SLC4A4: variants seen among roughly 807,000 people sequenced by gnomAD.
SLC4A4 encodes the protein solute carrier family 4 member 4, also known as electrogenic sodium bicarbonate cotransporter 1.
A neutral mutation model predicts 111.5 loss-of-function variants in SLC4A4; 27 were observed. The ratio of observed to expected loss-of-function variants is 0.24; its 90% CI spans 0.18 to 0.33. The LOEUF (loss-of-function observed/expected upper bound fraction) is 0.33, where lower values mean the gene tolerates loss of function less well. Among genes scored for constraint, SLC4A4 ranks in the 10% least tolerant of loss-of-function variants. SLC4A4 has a pLI of 1.00. For missense variants in SLC4A4, 909 were observed against 1,315.5 expected, an observed-to-expected ratio of 0.69 and a Z score of 4.78; for synonymous variants, 443 against 463.4, an observed-to-expected ratio of 0.96 and a Z score of 0.57.
At chr4:71,146,465 C>A (rs1026147631) in intron 2 of SLC4A4, among the ~76,000 whole-genome samples, 1 of 152,036 alleles carries the variant, frequency 6.6e-6, no homozygotes, top group Non-Finnish European at 1.5e-5. Flanking sequence ...CCATTAGGTC[C>A]GCTTGGTGCA....
intron 16 of SLC4A4, among the ~76,000 whole-genome samples, chr4:71,521,798 C>T (rs1322086588): frequency 6.6e-6 from 1 of 152,114 alleles, no homozygotes; most frequent in Non-Finnish European, 1.5e-5. Flanking sequence ...AGAAAGATGT[C>T]CATTGCATGT....
intron 2 of SLC4A4, among the ~76,000 whole-genome samples, chr4:71,101,112 A>C (rs1393617588): frequency 1.3e-5 from 2 of 152,084 alleles, no homozygotes; most frequent in African/African-American, 2.4e-5. Context: ...ACAAAAAATT[A>C]GCCAGGCATG....
chr4:71,557,959 C>T (rs115513978), intron 22 of SLC4A4, 74 bp downstream of exon 22: 22 of 1,327,744 alleles, frequency 1.7e-5, no homozygotes, highest in Non-Finnish European at 2.3e-5. Context: ...ATGGAAGACA[C>T]ACATGTCTTT....
intron 3 of SLC4A4, among the ~76,000 whole-genome samples, chr4:71,280,307 T>C (rs1445956873): frequency 1.4e-4 from 22 of 152,244 alleles, no homozygotes; most frequent in Admixed American, 1.4e-3. Flanking sequence ...CTTAACCCCG[T>C]ATTAGATATA....
intron 14 of SLC4A4, among the ~76,000 whole-genome samples, chr4:71,481,417 G>A (rs1214663291): frequency 1.3e-5 from 2 of 151,546 alleles, no homozygotes; most frequent in Non-Finnish European, 3.0e-5. Flanking sequence ...AAGATAAAGG[G>A]GAAGAACCTT....
chr4:71,490,020 G>T (rs1729758941), intron 15 of SLC4A4, among the ~76,000 whole-genome samples: 1 of 151,780 alleles, frequency 6.6e-6, no homozygotes, highest in Non-Finnish European at 1.5e-5. Flanking sequence ...AGATAAAAAG[G>T]CAGGTTTTAA....
chr4:71,410,360 T>G (rs1721258461), intron 7 of SLC4A4, among the ~76,000 whole-genome samples: 1 of 152,194 alleles, frequency 6.6e-6, no homozygotes, highest in Non-Finnish European at 1.5e-5. Flanking sequence ...CCCAAGACCA[T>G]GGGAAGCCAC....
intron 14 of SLC4A4, among the ~76,000 whole-genome samples, chr4:71,476,197 CAATGTT>C (rs1384308099): frequency 6.6e-6 from 1 of 151,784 alleles, no homozygotes; most frequent in African/African-American, 2.4e-5. Context: ...TACTTTTTGA[CAATGTT>C]AATACTTCTC....
chr4:71,397,789 C>A, intron 7 of SLC4A4, 136 bp downstream of exon 7: 1 of 774,020 alleles, frequency 1.3e-6, no homozygotes, highest in Non-Finnish European at 2.3e-6. Context: ...CTTTCCTGGG[C>A]AGAAGGAGAA....
chr4:71,528,947 T>A (rs1031434330), intron 16 of SLC4A4, among the ~76,000 whole-genome samples: 1 of 152,054 alleles, frequency 6.6e-6, no homozygotes, highest in African/African-American at 2.4e-5. Flanking sequence ...ATTTTCTTTT[T>A]TCATTATTTT....
intron 5 of SLC4A4, 44 bp downstream of exon 5, chr4:71,350,116 C>T (rs1439249265): frequency 3.1e-6 from 5 of 1,603,276 alleles, no homozygotes; most frequent in Non-Finnish European, 4.3e-6. Flanking sequence ...TTCGGCTTTC[C>T]CTAGCCACAT....
At chr4:71,114,889 A>G (rs939502019) in intron 2 of SLC4A4, among the ~76,000 whole-genome samples, 2 of 117,932 alleles carry the variant, frequency 1.7e-5, no homozygotes, top group South Asian at 3.3e-4. Context: ...ATGCACACGT[A>G]TGTTTATTGC....
chr4:71,154,068 C>T (rs1360315352), intron 2 of SLC4A4, among the ~76,000 whole-genome samples: 1 of 152,146 alleles, frequency 6.6e-6, no homozygotes, highest in East Asian at 1.9e-4. Flanking sequence ...TGGGGAGTTC[C>T]TTTCAGGAGA....
intron 9 of SLC4A4, 129 bp from the exon 10 acceptor site, chr4:71,450,260 A>G: frequency 4.1e-6 from 3 of 733,804 alleles, no homozygotes; most frequent in Non-Finnish European, 7.4e-6. Flanking sequence ...AATAATAGGG[A>G]CTATCAGAGC....
chr4:71,318,987 T>A (rs16846264), intron 3 of SLC4A4, among the ~76,000 whole-genome samples: 1,653 of 152,032 alleles, frequency 0.011, 29 homozygotes, highest in African/African-American at 0.035. Context: ...TTAATATGTG[T>A]GTGTTTTGGG....
chr4:71,413,657 G>A (rs937766662), intron 7 of SLC4A4, among the ~76,000 whole-genome samples: 10 of 152,188 alleles, frequency 6.6e-5, no homozygotes, highest in Non-Finnish European at 1.3e-4. Flanking sequence ...ATGGTATGGT[G>A]GGAGCAGAAA....
chr4:71,239,226 T>A (rs1403040875), intron 2 of SLC4A4, among the ~76,000 whole-genome samples: 1 of 152,180 alleles, frequency 6.6e-6, no homozygotes, highest in Non-Finnish European at 1.5e-5. Context: ...AACATAGAAG[T>A]TTACAATGTT....
intron 1 of SLC4A4, among the ~76,000 whole-genome samples, chr4:71,089,473 CT>C (rs1223373580): frequency 1.3e-5 from 2 of 152,062 alleles, no homozygotes; most frequent in African/African-American, 4.8e-5. Context: ...GAGAGGCGCT[CT>C]GATTTTTAGA....
intron 2 of SLC4A4, among the ~76,000 whole-genome samples, chr4:71,141,071 C>T (rs1393404989): frequency 2.6e-5 from 4 of 152,108 alleles, no homozygotes; most frequent in Non-Finnish European, 4.4e-5. Flanking sequence ...TTATTAACTA[C>T]GTTCATCATA....
Sources: gnomAD v4.1 joint callset for allele counts (sites outside exome capture counted in the v4.1 genomes callset) on GRCh38, gnomAD v4.1.1 for gene constraint, MANE v1.5 for transcripts, NCBI Gene and HGNC (gene_info 2026-07-23, HGNC 2026-07-21) for gene names.